The following SEPSECS variants were observed in gnomAD, a reference collection of about 807,000 sequenced individuals.
SEPSECS encodes the protein Sep (O-phosphoserine) tRNA:Sec (selenocysteine) tRNA synthase.
In SEPSECS, 42 loss-of-function variants were observed where a neutral mutation model predicts 52.1. The observed-to-expected ratio is 0.81, with a 90% confidence interval of 0.63 to 1.04. The LOEUF (loss-of-function observed/expected upper bound fraction) is 1.04, where lower values mean the gene tolerates loss of function less well. SEPSECS is among the 50% of genes least tolerant of loss of function. The pLI, the probability that SEPSECS is intolerant of heterozygous loss-of-function variation, is 0.00. For missense variants in SEPSECS, 590 were observed against 610.6 expected, an observed-to-expected ratio of 0.97 and a Z score of 0.36; for synonymous variants, 216 against 211.4, an observed-to-expected ratio of 1.02 and a Z score of -0.19.
At chr4:25,147,745 C>T (rs557038102) in intron 6 of SEPSECS, among the ~76,000 whole-genome samples, 98 of 151,972 alleles carry the variant, frequency 6.4e-4, no homozygotes, top group Non-Finnish European at 1.1e-3. Flanking sequence ...ATTCTGGGGT[C>T]TCATCTTAAA....
intron 10 of SEPSECS, among the ~76,000 whole-genome samples, chr4:25,124,434 C>T (rs903960031): frequency 2.6e-5 from 4 of 152,164 alleles, no homozygotes; most frequent in South Asian, 2.1e-4. Context: ...AGTCCTGCCT[C>T]GTGATTATCG....
At position 25,122,036 on chromosome 4, in the gene SEPSECS, G is replaced by C. The variant is rs1360758990; in HGVS notation, c.*1895C>G. 1 of 152,070 alleles carries C rather than the reference G, an allele frequency of 6.6e-6. No individual in the cohort carries two copies. The highest frequency in any genetic ancestry group is 1.5e-5 in the Non-Finnish European group (1 of 67,982). The allele number at this position is 152,070 out of a possible 1,614,324, so 9.4% of individuals were successfully genotyped here. A position where few individuals can be genotyped will look rare whatever the true frequency, so the allele number is the denominator to read the frequency against. ...CATTTCAATCCCTTTTTTGACTCTA[G>C]AGGTTGCAACTCTTCAGCTTTATTG... is the stretch of plus-strand genomic sequence containing the variant. On this transcript the variant is annotated 3_prime_UTR_variant, in exon 11 of 11. Coordinates refer to ENST00000382103, the MANE Select transcript of SEPSECS (RefSeq NM_016955.4).
intron 8 of SEPSECS, among the ~76,000 whole-genome samples, chr4:25,134,994 G>A (rs1728777575): frequency 6.6e-6 from 1 of 152,110 alleles, no homozygotes; most frequent in Admixed American, 6.6e-5. Flanking sequence ...CAGAAATAAA[G>A]AAGTTCTTTG....
chr4:25,126,006 C>T (rs1407637197), intron 9 of SEPSECS, among the ~76,000 whole-genome samples: 1 of 152,048 alleles, frequency 6.6e-6, no homozygotes, highest in Admixed American at 6.6e-5. Context: ...TTTCCAATAT[C>T]AGCCTTCAGG....
At chr4:25,139,081 A>G (rs542214363) in intron 8 of SEPSECS, among the ~76,000 whole-genome samples, 3 of 152,316 alleles carry the variant, frequency 2.0e-5, no homozygotes, top group African/African-American at 7.2e-5. Flanking sequence ...ACCCTTCCAG[A>G]TCTGGGGTAG....
intron 8 of SEPSECS, among the ~76,000 whole-genome samples, chr4:25,141,311 T>A (rs894708989): frequency 6.6e-6 from 1 of 152,194 alleles, no homozygotes; most frequent in Non-Finnish European, 1.5e-5. Flanking sequence ...TGTCTTGCAA[T>A]CTCATCTAGT....
chr4:25,145,560 G>C (rs1711910657), intron 6 of SEPSECS, among the ~76,000 whole-genome samples: 1 of 152,158 alleles, frequency 6.6e-6, no homozygotes, highest in Non-Finnish European at 1.5e-5. Context: ...TATCAGCTCA[G>C]GTGGGAACTT....
At position 25,129,888 on chromosome 4, in the gene SEPSECS, T is replaced by C. The variant is rs113158944; in HGVS notation, c.1027-2531A>G. ...TAGGTTACTAATTTAAATGCTCTGTTTGTTTTTAAAGCAGTCACATATTTT... is the reference window on the plus strand; with the variant it reads ...TAGGTTACTAATTTAAATGCTCTGTCTGTTTTTAAAGCAGTCACATATTTT... On this transcript the variant is annotated intron_variant, in intron 8 of 10. Coordinates refer to ENST00000382103, the MANE Select transcript of SEPSECS (RefSeq NM_016955.4). 3.7e-3 allele frequency among the ~76,000 whole-genome samples: 569 copies of C among 152,322 alleles called. 6 individuals carry two copies. The highest frequency in any genetic ancestry group is 0.013 in the African/African-American group (537 of 41,552).
intron 6 of SEPSECS, among the ~76,000 whole-genome samples, chr4:25,151,505 A>T (rs1390588970): frequency 6.6e-6 from 1 of 152,178 alleles, no homozygotes; most frequent in Non-Finnish European, 1.5e-5. Context: ...AATGACCAGG[A>T]TCTAGCTGAT....
intron 8 of SEPSECS, among the ~76,000 whole-genome samples, chr4:25,139,515 A>G (rs1388151071): frequency 6.7e-6 from 1 of 150,002 alleles, no homozygotes; most frequent in Non-Finnish European, 1.5e-5. Context: ...CCTCCCAAGT[A>G]GCTGGGACTA....
intron 3 of SEPSECS, among the ~76,000 whole-genome samples, chr4:25,156,633 G>A (rs562310564): frequency 9.5e-4 from 141 of 147,694 alleles, no homozygotes; most frequent in Admixed American, 2.6e-3. Flanking sequence ...GCGTGAACCC[G>A]GGAGACGGAG....
chr4:25,123,866 A>G lies in SEPSECS; in HGVS notation c.*65T>C, dbSNP rs890104512. On this transcript the variant is annotated 3_prime_UTR_variant, in exon 11 of 11. Transcript: ENST00000382103. The stretch of plus-strand genomic sequence containing the variant: ...TCAAAAATCTCAAGTCTTATCTTTA[A>G]ACTGCTTGCTTGTACTACAGCCTTA... 4.0e-5 allele frequency: 55 copies of G among 1,389,100 alleles called. No homozygotes were observed. The highest frequency in any genetic ancestry group is 5.1e-5 in the Admixed American group (3 of 59,174). 86.0% of individuals were successfully genotyped at this position (1,389,100 alleles called of 1,614,324 possible).
chr4:25,127,277 A>G lies in SEPSECS; in HGVS notation c.1107T>C (p.Asn369=). 1 of 1,609,756 alleles carries G rather than the reference A, an allele frequency of 6.2e-7. No individual in the cohort carries two copies. The highest frequency in any genetic ancestry group is 1.1e-5 in the South Asian group (1 of 90,998). ...YNERLLHTPH[N]PISLAMTLKT... ...AAAAGAAATTACCTAAAGATATGGG[A>G]TTGTGAGGTGTATGCAACAGTCTTT... The change falls in exon 9 of 11, where the codon AAT becomes AAC. Residue 369 remains asparagine, a synonymous_variant. Transcript: ENST00000382103.
intron 6 of SEPSECS, among the ~76,000 whole-genome samples, chr4:25,150,057 T>C (rs972658825): frequency 1.3e-5 from 2 of 152,166 alleles, no homozygotes; most frequent in African/African-American, 4.8e-5. Context: ...TGATACAAAG[T>C]TGAGTAAAGA....
At chr4:25,156,322 C>T (rs1023040127) in intron 3 of SEPSECS, 127 bp from the exon 4 acceptor site, 6 of 806,704 alleles carry the variant, frequency 7.4e-6, no homozygotes, top group East Asian at 5.4e-5. Flanking sequence ...TTTCTGTACT[C>T]GCTCTTGGAA....
At position 25,120,997 on chromosome 4, in the gene SEPSECS, G is replaced by C. The variant is rs1475024007; in HGVS notation, c.*2934C>G. The C allele has an allele frequency of 6.6e-6, 1 of 152,100 alleles. No individual in the cohort carries two copies. 9.4% of individuals were successfully genotyped at this position (152,100 alleles called of 1,614,324 possible). The stretch of plus-strand genomic sequence containing the variant: ...GTGGTTAAAGACACAGAACCACAGT[G>C]AAGTGCTGATCATAATATTAGAAAA... On this transcript the variant is annotated 3_prime_UTR_variant, in exon 11 of 11. Coordinates refer to ENST00000382103, the MANE Select transcript of SEPSECS (RefSeq NM_016955.4).
In SEPSECS at chr4:25,124,226, C is replaced by T; in HGVS notation, c.1212-1G>A. The T allele has an allele frequency of 1.9e-6, 3 of 1,612,786 alleles. No homozygotes were observed. The highest frequency in any genetic ancestry group is 2.5e-6 in the Non-Finnish European group (3 of 1,179,424). ...TTGCATGGACCCAAGAGGCACAACC[C>T]TGAAAGAAGAAAGATTTACCAATTT... On this transcript the variant is annotated splice_acceptor_variant, in intron 10 of 10. Coordinates refer to ENST00000382103, the MANE Select transcript of SEPSECS (RefSeq NM_016955.4). LOFTEE classifies it high-confidence loss of function.
chr4:25,140,791 C>T (rs1321686240), intron 8 of SEPSECS, among the ~76,000 whole-genome samples: 2 of 152,004 alleles, frequency 1.3e-5, no homozygotes, highest in African/African-American at 4.8e-5. Context: ...TCTTAATGCT[C>T]ACCCTACTTG....
chr4:25,123,603 T>A lies in SEPSECS; in HGVS notation c.*328A>T, dbSNP rs796305783. On this transcript the variant is annotated 3_prime_UTR_variant, in exon 11 of 11. Transcript: ENST00000382103. ...GTAAAGAATGGTTAGGAGGAAGCAC[T>A]CTACATTTCAAAGAGAATTGAAGTA... The A allele has an allele frequency of 6.9e-5, 22 of 319,946 alleles. No homozygotes were observed. The highest frequency in any genetic ancestry group is 4.5e-4 in the African/African-American group (21 of 47,062). The allele number at this position is 319,946 out of a possible 1,614,324, so 19.8% of individuals were successfully genotyped here.
Sources: allele counts gnomAD v4.1 joint callset (sites outside exome capture counted in the v4.1 genomes callset), GRCh38; gene constraint gnomAD v4.1.1; transcripts MANE v1.5; gene names NCBI Gene and HGNC (gene_info 2026-07-23, HGNC 2026-07-21).